DOCK9: variants seen among roughly 807,000 people sequenced by gnomAD.
DOCK9 encodes dedicator of cytokinesis protein 9.
A neutral mutation model predicts 263.3 loss-of-function variants in DOCK9; 89 were observed. The ratio of observed to expected loss-of-function variants is 0.34; its 90% CI spans 0.28 to 0.40. DOCK9 has a LOEUF of 0.40. Ranked by LOEUF, DOCK9 falls within the 10% of genes least tolerant of loss-of-function variation. The pLI, the probability that DOCK9 is intolerant of heterozygous loss-of-function variation, is 1.00. For synonymous variants in DOCK9, 976 were observed against 973.1 expected (o/e 1.00, Z -0.06); for missense variants, 2,140 against 2,603.4 (o/e 0.82, Z 3.87).
chr13:99,063,884 T>C (rs777814683), intron 1 of DOCK9, among the ~76,000 whole-genome samples: 11 of 152,166 alleles, frequency 7.2e-5, no homozygotes, highest in Non-Finnish European at 1.0e-4. Flanking sequence ...TTATAAACAG[T>C]TGACACACCA....
At chr13:98,979,577 C>T (rs1186741933), upstream of DOCK9, among the ~76,000 whole-genome samples, 1 of 152,100 alleles carries the variant, frequency 6.6e-6, no homozygotes, top group Non-Finnish European at 1.5e-5. Context: ...GTAACGATCT[C>T]AAAGGATCAA....
intron 1 of DOCK9, among the ~76,000 whole-genome samples, chr13:99,051,568 G>C (rs984566740): frequency 6.6e-6 from 1 of 151,994 alleles, no homozygotes; most frequent in East Asian, 1.9e-4. Flanking sequence ...AAGGTTATCC[G>C]AATGCTCTAA....
chr13:98,803,869 T>C (rs1431433619), intron 49 of DOCK9, among the ~76,000 whole-genome samples: 1 of 152,200 alleles, frequency 6.6e-6, no homozygotes, highest in Non-Finnish European at 1.5e-5. Context: ...CTTGTATCTC[T>C]TTTCCCTCAT....
In DOCK9 at chr13:98,810,657, A is replaced by G. The variant is rs1328714721; in HGVS notation, c.5131-366T>C. On this transcript the variant is annotated intron_variant, in intron 45 of 52. Coordinates refer to ENST00000682017, the MANE Select transcript of DOCK9 (RefSeq NM_001366683.2). ...AGAAATTTCTTTTCCTTTTCTGAGGAACAATGACAATGCTAAGACATGGAG... is the reference window on the plus strand; with the variant it reads ...AGAAATTTCTTTTCCTTTTCTGAGGGACAATGACAATGCTAAGACATGGAG... Among the ~76,000 whole-genome samples the G allele has an allele frequency of 4.6e-5, 7 of 152,294 alleles. No homozygotes were observed. The South Asian group carries it at 1.2e-3, about 27-fold the overall frequency.
chr13:99,084,960 C>T (rs1410934404), intron 1 of DOCK9, among the ~76,000 whole-genome samples: 2 of 152,150 alleles, frequency 1.3e-5, no homozygotes, highest in African/African-American at 4.8e-5. Context: ...AATCGACTTC[C>T]CTAAAATAGA....
intron 15 of DOCK9, among the ~76,000 whole-genome samples, chr13:98,891,755 G>A (rs899683284): frequency 6.0e-5 from 9 of 149,954 alleles, no homozygotes; most frequent in Non-Finnish European, 1.3e-4. Flanking sequence ...CTTTCCATGT[G>A]TTTCCAAGCA....
At position 98,885,933 on chromosome 13, in the gene DOCK9, G is replaced by T. The variant is rs964876879; in HGVS notation, c.2137-102C>A. 8 of 1,129,216 alleles carry T rather than the reference G, an allele frequency of 7.1e-6. No homozygotes were observed. In the African/African-American group the frequency reaches 1.1e-4, roughly 16 times the overall value. The allele number at this position is 1,129,216 out of a possible 1,614,324, so 69.9% of individuals were successfully genotyped here. A position where few individuals can be genotyped will look rare whatever the true frequency, so the allele number is the denominator to read the frequency against. On this transcript the variant is annotated intron_variant, in intron 19 of 52. Coordinates refer to ENST00000682017, the MANE Select transcript of DOCK9 (RefSeq NM_001366683.2). ...TTACCCAACGCATAAACGTGCACTT[G>T]TTCTCCGAGCGGATATTAACATTTG... is the stretch of plus-strand genomic sequence containing the variant.
chr13:99,010,547 T>G (rs1037961648), intron 1 of DOCK9, among the ~76,000 whole-genome samples: 1 of 152,202 alleles, frequency 6.6e-6, no homozygotes, highest in Non-Finnish European at 1.5e-5. Context: ...CTAAATGAGT[T>G]GAACTAACAC....
At chr13:98,950,341 G>A (rs2057263434) in intron 2 of DOCK9, 1 of 879,210 alleles carries the variant, frequency 1.1e-6, no homozygotes, top group Non-Finnish European at 1.8e-6. Flanking sequence ...CTCCTTCTTT[G>A]CTAAAAGTGC....
chr13:98,829,591 A>C lies in DOCK9; in HGVS notation c.4749+52T>G. The C allele has an allele frequency of 1.3e-6, 2 of 1,585,352 alleles. No homozygotes were observed. The highest frequency in any genetic ancestry group is 4.6e-5 in the East Asian group (2 of 43,950). On this transcript the variant is annotated intron_variant, in intron 42 of 52. Transcript: ENST00000682017. The surrounding 1 kb of genome is among the most constrained non-coding windows in gnomAD (Gnocchi z 4.1). ...TTTGCTGCCTGTCCACAAGCACCTC[A>C]GGTGCTGATGCAGAGTCTCAGGGTG...
chr13:99,026,443 C>A (rs987476329), intron 1 of DOCK9, among the ~76,000 whole-genome samples: 7 of 152,188 alleles, frequency 4.6e-5, no homozygotes, highest in Admixed American at 2.6e-4. Flanking sequence ...GCACTCCTGG[C>A]ACTGCATATG....
At chr13:98,934,810 T>C (rs2054552017) in intron 2 of DOCK9, among the ~76,000 whole-genome samples, 1 of 152,236 alleles carries the variant, frequency 6.6e-6, no homozygotes, top group Non-Finnish European at 1.5e-5. Context: ...AAAAACATTC[T>C]ACTGATCATT....
intron 15 of DOCK9, among the ~76,000 whole-genome samples, chr13:98,893,449 C>A (rs2046933232): frequency 6.6e-6 from 1 of 152,140 alleles, no homozygotes. Flanking sequence ...AAATCAAATA[C>A]AAAGTACCAA....
intron 1 of DOCK9, among the ~76,000 whole-genome samples, chr13:99,083,600 T>C (rs1266239944): frequency 1.3e-5 from 2 of 148,396 alleles, no homozygotes; most frequent in East Asian, 4.6e-4. Flanking sequence ...AATATGAAGG[T>C]TCATTATACT....
At chr13:98,843,870 T>G (rs2093305075) in intron 38 of DOCK9, among the ~76,000 whole-genome samples, 1 of 152,234 alleles carries the variant, frequency 6.6e-6, no homozygotes, top group African/African-American at 2.4e-5. Flanking sequence ...CCGAGTGGAT[T>G]AAGGTTATTT....
intron 1 of DOCK9, among the ~76,000 whole-genome samples, chr13:99,038,286 CCCTTTTTTTTT>C (rs1414626981): frequency 0.039 from 2,951 of 75,764 alleles, 89 homozygotes; most frequent in South Asian, 0.11. Flanking sequence ...CTTTATGCCC[CCCTTTTTTTTT>C]TTTTTTTTTT....
intron 22 of DOCK9, 70 bp from the exon 23 acceptor site, chr13:98,883,201 G>A: frequency 7.6e-7 from 1 of 1,313,354 alleles, no homozygotes; most frequent in South Asian, 1.3e-5. Context: ...AGAAGCATTT[G>A]TTTCTTGCAG....
chr13:99,084,031 C>T (rs1440205385), intron 1 of DOCK9, among the ~76,000 whole-genome samples: 1 of 152,168 alleles, frequency 6.6e-6, no homozygotes, highest in Non-Finnish European at 1.5e-5. Flanking sequence ...ATGCACAGAC[C>T]ATGGGATTCT....
At position 98,920,861 on chromosome 13, in the gene DOCK9, C is replaced by T. The variant is rs191584489; in HGVS notation, c.717+93G>A. Reference sequence around the variant, plus strand: ...GTTATATTTCTACCATGCATATTGCCATTTTTGGAAGTGTTTGCTTAAATC... The same window carrying T: ...GTTATATTTCTACCATGCATATTGCTATTTTTGGAAGTGTTTGCTTAAATC... On this transcript the variant is annotated intron_variant, in intron 7 of 52. Transcript: ENST00000682017. 12 of 1,261,308 alleles carry T rather than the reference C, an allele frequency of 9.5e-6. 1 individual carries two copies. In the Admixed American group the frequency reaches 2.2e-4, roughly 24 times the overall value. 78.1% of individuals were successfully genotyped at this position (1,261,308 alleles called of 1,614,324 possible). A position where few individuals can be genotyped will look rare whatever the true frequency, so the allele number is the denominator to read the frequency against.
Sources: gnomAD v4.1 joint callset for allele counts (sites outside exome capture counted in the v4.1 genomes callset) on GRCh38, gnomAD v4.1.1 for gene constraint, Gnocchi (gnomAD v3.1) non-coding constraint, MANE v1.5 for transcripts, NCBI Gene and HGNC (gene_info 2026-07-23, HGNC 2026-07-21) for gene names.